Variants in RBFOX1 observed in about 807,000 individuals in gnomAD.
RBFOX1 encodes the protein RNA binding protein fox-1 homolog 1.
Under a neutral mutation model 57.7 loss-of-function variants are expected in RBFOX1, and 8 were observed. That is an observed-to-expected ratio of 0.14 (90% confidence interval 0.08 to 0.25). The LOEUF is 0.25. Among genes scored for constraint, RBFOX1 ranks in the 10% least tolerant of loss-of-function variants. RBFOX1 has a pLI of 1.00. For missense variants in RBFOX1, 611 were observed against 548.5 expected (o/e 1.11, Z -1.14); for synonymous variants, 326 against 222.4 (o/e 1.47, Z -4.15).
Position 6,977,090 on chromosome 16 carries a change from T to TTA in RBFOX1, c.-15-74957_-15-74956dup, listed in dbSNP as rs201111834. Among the ~76,000 whole-genome samples, 631 of 140,348 alleles carry TTA rather than the reference T, an allele frequency of 4.5e-3. 6 individuals carry two copies. Among genetic ancestry groups the TTA allele is most frequent in the African/African-American group, 0.016 (591 of 37,934 alleles). 92.1% of individuals were successfully genotyped at this position (140,348 alleles called of 152,430 possible). On this transcript the variant is annotated intron_variant, in intron 3 of 15. Coordinates refer to ENST00000550418, the MANE Select transcript of RBFOX1 (RefSeq NM_018723.4). Reference sequence around the variant, plus strand: ...TACTTTATCATATATGATCTATATTTTATATATATATCATATATATGATCT... The same window carrying TTA: ...TACTTTATCATATATGATCTATATTTTATATATATATATCATATATATGATCT...
chr16:6,077,834 G>A (rs1414645419), intron 1 of RBFOX1, among the ~76,000 whole-genome samples: 1 of 151,870 alleles, frequency 6.6e-6, no homozygotes, highest in Non-Finnish European at 1.5e-5. Context: ...TCCCACCTCT[G>A]CCTCTTAGAG....
At chr16:7,156,476 G>A (rs1469618771) in intron 4 of RBFOX1, among the ~76,000 whole-genome samples, 1 of 151,754 alleles carries the variant, frequency 6.6e-6, no homozygotes, top group Non-Finnish European at 1.5e-5. Flanking sequence ...CACATATACA[G>A]GTAGATACAC....
chr16:5,378,582 C>G lies in RBFOX1; in HGVS notation c.220-88634C>G, dbSNP rs147873647. 6.2e-4 allele frequency among the ~76,000 whole-genome samples: 94 copies of G among 151,678 alleles called. 3 individuals are homozygous for G. Among genetic ancestry groups the G allele is most frequent in the Middle Eastern group, 6.8e-3 (2 of 294 alleles). On this transcript the variant is annotated intron_variant, in intron 1 of 2. Coordinates refer to the RBFOX1 transcript ENST00000585867. Reference sequence around the variant, plus strand: ...GTTGTCCCAGTTATACCTGGGAATGCAGGCTTCCTGGGACGTGGTACTTTC... The same window carrying G: ...GTTGTCCCAGTTATACCTGGGAATGGAGGCTTCCTGGGACGTGGTACTTTC...
intron 4 of RBFOX1, among the ~76,000 whole-genome samples, chr16:7,272,827 TCCTCCCTCC>T (rs1339515736): frequency 1.3e-5 from 2 of 151,634 alleles, no homozygotes; most frequent in Non-Finnish European, 2.9e-5. Context: ...TAAAATCCTC[TCCTCCCTCC>T]CCTCCCTCCC....
intron 3 of RBFOX1, among the ~76,000 whole-genome samples, chr16:6,826,452 G>T (rs887046278): frequency 6.8e-6 from 1 of 147,524 alleles, no homozygotes; most frequent in Non-Finnish European, 1.5e-5. Flanking sequence ...CCCATGGGTT[G>T]TTAAGAGGCT....
intron 3 of RBFOX1, among the ~76,000 whole-genome samples, chr16:6,866,533 T>G (rs1213664883): frequency 8.0e-6 from 1 of 124,984 alleles, no homozygotes; most frequent in Non-Finnish European, 1.6e-5. Context: ...AGGGCTTTCT[T>G]TCCTTCTATT....
chr16:6,656,707 T>C (rs1482396070), intron 3 of RBFOX1, among the ~76,000 whole-genome samples: 1 of 152,118 alleles, frequency 6.6e-6, no homozygotes, highest in East Asian at 1.9e-4. Context: ...GTTTTCCCAT[T>C]TTTTTCTAAA....
intron 4 of RBFOX1, among the ~76,000 whole-genome samples, chr16:7,293,933 G>C (rs895239099): frequency 2.0e-5 from 3 of 152,146 alleles, no homozygotes; most frequent in African/African-American, 7.2e-5. Context: ...TTAATTCAGA[G>C]CTGGAGATGT....
At position 6,654,661 on chromosome 16, in the gene RBFOX1, AT is replaced by A; in HGVS notation, c.-16+16del. 1.3e-6 allele frequency: 2 copies of A among 1,503,202 alleles called. No homozygotes were observed. Among genetic ancestry groups the A allele is most frequent in the Non-Finnish European group, 1.8e-6 (2 of 1,134,802 alleles). 93.1% of individuals were successfully genotyped at this position (1,503,202 alleles called of 1,614,324 possible). ...ATAGAAGACAGAAAGGTGAGTCAAT[AT>A]TTTTCATTTTTAGGGTTGCAAACAA... On this transcript the variant is annotated intron_variant, in intron 3 of 15. Coordinates refer to ENST00000550418, the MANE Select transcript of RBFOX1 (RefSeq NM_018723.4).
At chr16:6,644,448 A>T (rs892296180) in intron 2 of RBFOX1, among the ~76,000 whole-genome samples, 1 of 152,204 alleles carries the variant, frequency 6.6e-6, no homozygotes, top group Non-Finnish European at 1.5e-5. Context: ...CCTCAGCAGT[A>T]ATCAATTTCT....
intron 2 of RBFOX1, among the ~76,000 whole-genome samples, chr16:6,564,481 AAAAT>A (rs893695585): frequency 2.0e-5 from 3 of 151,782 alleles, no homozygotes; most frequent in South Asian, 2.1e-4. Flanking sequence ...AAAACAAACA[AAAAT>A]AAACAAACAA....
chr16:7,018,003 T>C (rs1597132183), intron 3 of RBFOX1, among the ~76,000 whole-genome samples: 2 of 152,086 alleles, frequency 1.3e-5, no homozygotes, highest in East Asian at 3.9e-4. Flanking sequence ...GGAATGGAAT[T>C]TTACAAAATA....
intron 3 of RBFOX1, among the ~76,000 whole-genome samples, chr16:6,764,646 A>G (rs1363344439): frequency 6.6e-6 from 1 of 152,190 alleles, no homozygotes; most frequent in East Asian, 1.9e-4. Flanking sequence ...TATTAAGAGT[A>G]AATGCATGGG....
chr16:7,522,890 T>C (rs1363580672), intron 5 of RBFOX1, among the ~76,000 whole-genome samples: 1 of 152,208 alleles, frequency 6.6e-6, no homozygotes, highest in African/African-American at 2.4e-5. Context: ...CTTTGATACA[T>C]TTTTACAAAT....
chr16:5,439,882 A>G (rs568802249), intron 1 of RBFOX1, among the ~76,000 whole-genome samples: 2 of 152,314 alleles, frequency 1.3e-5, no homozygotes, highest in African/African-American at 4.8e-5. Flanking sequence ...TGAGATTAAA[A>G]TTGAGTGGTT....
At chr16:5,309,404 G>A (rs2064022610) in intron 1 of RBFOX1, among the ~76,000 whole-genome samples, 1 of 152,146 alleles carries the variant, frequency 6.6e-6, no homozygotes, top group African/African-American at 2.4e-5. Context: ...GTGGTTATAT[G>A]CCACAGTAAG....
rs572774975 is a variant in RBFOX1 at position 6,798,321 on chromosome 16, C to G, written c.-16+143671C>G. ...TCTAGAAACTTGCATTTTTGATAAA[C>G]TCTGAAAAAGGTTAAATTTTGAGAA... On this transcript the variant is annotated intron_variant, in intron 3 of 15. Coordinates refer to ENST00000550418, the MANE Select transcript of RBFOX1 (RefSeq NM_018723.4). 1.4e-3 allele frequency among the ~76,000 whole-genome samples: 219 copies of G among 152,128 alleles called. 2 individuals are homozygous for G. Among genetic ancestry groups the G allele is most frequent in the African/African-American group, 5.2e-3 (216 of 41,490 alleles).
At chr16:7,234,075 T>C (rs1215862995) in intron 4 of RBFOX1, among the ~76,000 whole-genome samples, 1 of 152,216 alleles carries the variant, frequency 6.6e-6, no homozygotes, top group African/African-American at 2.4e-5. Context: ...ATGGAAATTA[T>C]GTCACAAGAA....
chr16:6,885,284 C>T (rs1393446756), intron 3 of RBFOX1, among the ~76,000 whole-genome samples: 4 of 152,146 alleles, frequency 2.6e-5, no homozygotes, highest in East Asian at 1.9e-4. Flanking sequence ...GCTACAGACG[C>T]GTGTTCTCTA....
Sources: gnomAD v4.1 joint callset for allele counts (sites outside exome capture counted in the v4.1 genomes callset) on GRCh38, gnomAD v4.1.1 for gene constraint, MANE v1.5 for transcripts, NCBI Gene and HGNC (gene_info 2026-07-23, HGNC 2026-07-21) for gene names.